The following ARID5B variants were observed in gnomAD, a reference collection of about 807,000 sequenced individuals.
ARID5B encodes the protein AT-rich interaction domain 5B.
A neutral mutation model predicts 97.2 loss-of-function variants in ARID5B; 13 were observed. That is an observed-to-expected ratio of 0.13 (90% CI 0.09 to 0.21). ARID5B has a LOEUF of 0.21. Among genes scored for constraint, ARID5B ranks in the 10% least tolerant of loss-of-function variants. ARID5B has a pLI of 1.00. For missense variants in ARID5B, 1,210 were observed against 1,465.3 expected, an observed-to-expected ratio of 0.83 and a Z score of 2.84; for synonymous variants, 556 against 570.3, an observed-to-expected ratio of 0.97 and a Z score of 0.36.
At chr10:62,090,690 A>G (rs1400192505) in intron 9 of ARID5B, among the ~76,000 whole-genome samples, 172 bp from the exon 10 acceptor site, 2 of 152,172 alleles carry the variant, frequency 1.3e-5, no homozygotes, top group African/African-American at 4.8e-5. Context: ...TGTAATTTAG[A>G]TTTCTTTGTT....
chr10:62,058,333 T>TCAA (rs1839882440), intron 6 of ARID5B, among the ~76,000 whole-genome samples: 1 of 152,182 alleles, frequency 6.6e-6, no homozygotes, highest in African/African-American at 2.4e-5. Flanking sequence ...AGTGCAAGGT[T>TCAA]CAATGAGGCT....
intron 3 of ARID5B, among the ~76,000 whole-genome samples, chr10:61,967,343 T>C (rs1838560100): frequency 6.6e-6 from 1 of 152,238 alleles, no homozygotes; most frequent in African/African-American, 2.4e-5. Flanking sequence ...ATCTTACCGG[T>C]CAATATTTGT....
At chr10:61,963,598 G>C (rs1252453772) in intron 3 of ARID5B, among the ~76,000 whole-genome samples, 1 of 151,960 alleles carries the variant, frequency 6.6e-6, no homozygotes, top group African/African-American at 2.4e-5. Flanking sequence ...GCTCGGCAGA[G>C]CATCCTAGAT....
chr10:61,986,652 C>CTCCA (rs1838851221), intron 3 of ARID5B, among the ~76,000 whole-genome samples: 1 of 152,292 alleles, frequency 6.6e-6, no homozygotes, highest in East Asian at 1.9e-4. Context: ...ATGTTAAAGG[C>CTCCA]TCCAAGCTGT....
In ARID5B at chr10:61,999,473, T is replaced by C. The variant is rs542729185; in HGVS notation, c.503-618T>C. On this transcript the variant is annotated intron_variant, in intron 3 of 9. Coordinates refer to ENST00000279873, the MANE Select transcript of ARID5B (RefSeq NM_032199.3). The stretch of plus-strand genomic sequence containing the variant: ...AATCATCTGGCAACACAGTACACTG[T>C]AGAGTACCGGTGTTCACCCTCTTGG... 3.5e-3 allele frequency among the ~76,000 whole-genome samples: 527 copies of C among 152,292 alleles called. 1 individual carries two copies. The highest frequency in any genetic ancestry group is 0.011 in the South Asian group (53 of 4,828).
intron 3 of ARID5B, among the ~76,000 whole-genome samples, chr10:61,963,007 T>C (rs1477140180): frequency 1.3e-5 from 2 of 152,122 alleles, no homozygotes; most frequent in African/African-American, 4.8e-5. Flanking sequence ...TTTTTCTTTT[T>C]TCTGGGAGTG....
intron 3 of ARID5B, among the ~76,000 whole-genome samples, chr10:61,960,985 A>G (rs550761051): frequency 1.4e-4 from 22 of 152,380 alleles, no homozygotes; most frequent in African/African-American, 5.3e-4. Flanking sequence ...GGGATACTGT[A>G]GGATTTAATA....
At chr10:62,019,389 C>T (rs1042129282) in intron 4 of ARID5B, among the ~76,000 whole-genome samples, 1 of 152,198 alleles carries the variant, frequency 6.6e-6, no homozygotes, top group African/African-American at 2.4e-5. Context: ...CTTTCACAAC[C>T]ACCGTACAAT....
chr10:61,992,180 C>T (rs556016159), intron 3 of ARID5B, among the ~76,000 whole-genome samples: 2 of 152,332 alleles, frequency 1.3e-5, no homozygotes, highest in South Asian at 4.2e-4. Flanking sequence ...GAAGTCTCAC[C>T]TGTTGCATAA....
Position 62,054,989 on chromosome 10 carries a change from T to G in ARID5B, c.847-2128T>G, listed in dbSNP as rs73276026. Among the ~76,000 whole-genome samples the G allele has an allele frequency of 9.1e-3, 1,379 of 152,312 alleles. 23 individuals carry two copies. The highest frequency in any genetic ancestry group is 0.031 in the African/African-American group (1,305 of 41,558). On this transcript the variant is annotated intron_variant, in intron 5 of 9. Transcript: ENST00000279873. ...AGTATGTGAAGCCCACAGCACTGTA[T>G]CTAGCTCATTGTAGGTGCTCAATTG... is the stretch of plus-strand genomic sequence containing the variant.
At chr10:62,081,082 C>T (rs1469326955) in intron 8 of ARID5B, among the ~76,000 whole-genome samples, 3 of 152,150 alleles carry the variant, frequency 2.0e-5, no homozygotes, top group Non-Finnish European at 2.9e-5. Flanking sequence ...GGATTACAGG[C>T]GTGAGCTACC....
intron 2 of ARID5B, among the ~76,000 whole-genome samples, chr10:61,916,399 A>G (rs760126081): frequency 6.7e-5 from 10 of 149,296 alleles, no homozygotes; most frequent in Non-Finnish European, 1.0e-4. Flanking sequence ...TATACCACAC[A>G]GAGCTTAAAA....
At chr10:61,941,874 G>A (rs1844416825) in intron 3 of ARID5B, among the ~76,000 whole-genome samples, 1 of 152,126 alleles carries the variant, frequency 6.6e-6, no homozygotes, top group Admixed American at 6.5e-5. Flanking sequence ...CCAGTTTTGT[G>A]AACACACAAT....
rs1485799569 is a variant in ARID5B, at chr10:62,022,419, G to T, written c.733+22098G>T. ...ACTGACCTGTGCACTGGGAGGATGGGGTGGAGCCTTGGGAATTTCACACCT... is the reference window on the plus strand; with the variant it reads ...ACTGACCTGTGCACTGGGAGGATGGTGTGGAGCCTTGGGAATTTCACACCT... On this transcript the variant is annotated intron_variant, in intron 4 of 9. Coordinates refer to ENST00000279873, the MANE Select transcript of ARID5B (RefSeq NM_032199.3). 2.0e-5 allele frequency among the ~76,000 whole-genome samples: 3 copies of T among 152,302 alleles called. No individual in the cohort carries two copies. In the East Asian group the frequency reaches 5.8e-4, roughly 29 times the overall value.
intron 5 of ARID5B, among the ~76,000 whole-genome samples, 195 bp from the exon 6 acceptor site, chr10:62,056,922 C>T (rs1839863933): frequency 6.6e-6 from 1 of 152,184 alleles, no homozygotes. Flanking sequence ...TGGCCCTTTA[C>T]AGAAATTTGA....
intron 9 of ARID5B, among the ~76,000 whole-genome samples, chr10:62,087,473 T>A (rs1300775478): frequency 6.6e-6 from 1 of 151,036 alleles, no homozygotes; most frequent in East Asian, 1.9e-4. Context: ...ATGTAGCCAG[T>A]CATGTAGGCT....
chr10:62,027,518 T>G (rs1463226714), intron 4 of ARID5B, among the ~76,000 whole-genome samples: 1 of 151,596 alleles, frequency 6.6e-6, no homozygotes, highest in Non-Finnish European at 1.5e-5. Context: ...TTTCACCATG[T>G]TAGCCAGGAT....
chr10:62,085,980 C>A, intron 9 of ARID5B, 80 bp downstream of exon 9: 1 of 1,423,578 alleles, frequency 7.0e-7, no homozygotes, highest in Non-Finnish European at 9.6e-7. Context: ...GAATCCACAG[C>A]TGTGTCCCTG....
chr10:62,053,748 A>C (rs1450715128), intron 5 of ARID5B, among the ~76,000 whole-genome samples: 1 of 152,246 alleles, frequency 6.6e-6, no homozygotes, highest in African/African-American at 2.4e-5. Context: ...TCTAAAAGGA[A>C]CACAAAAAAG....
Sources: gnomAD v4.1 joint callset for allele counts (sites outside exome capture counted in the v4.1 genomes callset) on GRCh38, gnomAD v4.1.1 for gene constraint, MANE v1.5 for transcripts, NCBI Gene and HGNC (gene_info 2026-07-23, HGNC 2026-07-21) for gene names.